The following HCN1 variants were observed in gnomAD, a reference collection of about 807,000 sequenced individuals.
HCN1 encodes the protein potassium/sodium hyperpolarization-activated cyclic nucleotide-gated channel 1.
In HCN1, 13 loss-of-function variants were observed where a neutral mutation model predicts 78.9. The observed-to-expected ratio is 0.16, with a 90% CI of 0.11 to 0.26. HCN1 has a LOEUF of 0.26. HCN1 is among the 10% of genes least tolerant of loss of function. The pLI is 1.00. For synonymous variants in HCN1, 552 were observed against 455.5 expected, an observed-to-expected ratio of 1.21 and a Z score of -2.70; for missense variants, 810 against 1,154.3, an observed-to-expected ratio of 0.70 and a Z score of 4.32.
intron 3 of HCN1, among the ~76,000 whole-genome samples, chr5:45,412,743 T>C (rs1740047134): frequency 7.4e-6 from 1 of 135,356 alleles, no homozygotes. Context: ...AGGGTTCAGG[T>C]TGATCCCCAA....
chr5:45,671,085 T>C (rs1195580798), intron 1 of HCN1, among the ~76,000 whole-genome samples: 3 of 151,686 alleles, frequency 2.0e-5, no homozygotes, highest in African/African-American at 7.3e-5. Context: ...TAAACTCAAA[T>C]AAATTCCTCA....
intron 2 of HCN1, among the ~76,000 whole-genome samples, chr5:45,527,474 G>C (rs1231216126): frequency 4.0e-5 from 6 of 150,682 alleles, no homozygotes; most frequent in South Asian, 2.1e-4. Context: ...AACTAACTTG[G>C]GTTTCAGTTG....
At chr5:45,598,641 T>C (rs577035609) in intron 2 of HCN1, among the ~76,000 whole-genome samples, 58 of 152,214 alleles carry the variant, frequency 3.8e-4, no homozygotes, top group Middle Eastern at 6.8e-3. Flanking sequence ...ACCTACAGAA[T>C]GGAAGAAAAT....
intron 2 of HCN1, among the ~76,000 whole-genome samples, chr5:45,486,133 A>T (rs1470481626): frequency 6.6e-6 from 1 of 152,090 alleles, no homozygotes; most frequent in African/African-American, 2.4e-5. Context: ...GGCTTCACAA[A>T]ATATTTTCTC....
At chr5:45,598,192 A>G (rs1435720853) in intron 2 of HCN1, among the ~76,000 whole-genome samples, 1 of 152,196 alleles carries the variant, frequency 6.6e-6, no homozygotes, top group East Asian at 1.9e-4. Context: ...CAACCAAAAC[A>G]ACATGGTACT....
At chr5:45,341,915 G>C (rs1440228257) in intron 5 of HCN1, among the ~76,000 whole-genome samples, 2 of 152,078 alleles carry the variant, frequency 1.3e-5, no homozygotes, top group African/African-American at 4.8e-5. Flanking sequence ...GAGTTTTGAT[G>C]GGAGATCATT....
chr5:45,541,076 A>T (rs1232483997), intron 2 of HCN1, among the ~76,000 whole-genome samples: 2 of 152,202 alleles, frequency 1.3e-5, no homozygotes, highest in African/African-American at 2.4e-5. Flanking sequence ...AAGAAAAAAA[A>T]TATTAATCTA....
At chr5:45,614,297 G>C (rs906977098) in intron 2 of HCN1, among the ~76,000 whole-genome samples, 1 of 151,920 alleles carries the variant, frequency 6.6e-6, no homozygotes, top group African/African-American at 2.4e-5. Context: ...CTATTTATCC[G>C]TCTGTCTCCT....
intron 3 of HCN1, among the ~76,000 whole-genome samples, chr5:45,454,617 C>A (rs1232637463): frequency 1.3e-5 from 2 of 151,884 alleles, no homozygotes; most frequent in African/African-American, 4.8e-5. Flanking sequence ...ATTACTGAAT[C>A]TCAAGAGAGG....
chr5:45,495,996 G>A (rs1269881567), intron 2 of HCN1, among the ~76,000 whole-genome samples: 6 of 152,028 alleles, frequency 3.9e-5, no homozygotes, highest in South Asian at 2.1e-4. Context: ...TGCTGGATTC[G>A]GTTTGCTAGT....
intron 3 of HCN1, among the ~76,000 whole-genome samples, chr5:45,418,621 C>T (rs1287879057): frequency 6.6e-6 from 1 of 151,876 alleles, no homozygotes; most frequent in East Asian, 1.9e-4. Context: ...GTGCATTTCC[C>T]ATTAGAATCT....
At chr5:45,350,490 C>G (rs1350081348) in intron 5 of HCN1, among the ~76,000 whole-genome samples, 1 of 151,958 alleles carries the variant, frequency 6.6e-6, no homozygotes, top group Non-Finnish European at 1.5e-5. Context: ...TCTCTCACCA[C>G]TCCTATTCAA....
At chr5:45,475,804 A>G (rs898280303) in intron 2 of HCN1, among the ~76,000 whole-genome samples, 5 of 152,106 alleles carry the variant, frequency 3.3e-5, no homozygotes, top group Admixed American at 2.0e-4. Context: ...GAGAGAAAAA[A>G]TGCACTTTTA....
Position 45,492,527 on chromosome 5 carries a change from T to TTG in HCN1, c.850-30521_850-30520insCA, listed in dbSNP as rs1554028386. On this transcript the variant is annotated intron_variant, in intron 2 of 7. Coordinates refer to ENST00000303230, the MANE Select transcript of HCN1 (RefSeq NM_021072.4). ...CCAGCAACAGTTTTTTTGTTTTTTT[T>TTG]TTTTTTTTTTGAGACAAGAGCCTTG... Among the ~76,000 whole-genome samples the TTG allele has an allele frequency of 1.5e-3, 212 of 144,650 alleles. 3 individuals carry two copies. Among genetic ancestry groups the TTG allele is most frequent in the African/African-American group, 5.2e-3 (205 of 39,724 alleles). The allele number at this position is 144,650 out of a possible 152,430, so 94.9% of individuals were successfully genotyped here. A position where few individuals can be genotyped will look rare whatever the true frequency, so the allele number is the denominator to read the frequency against.
chr5:45,556,490 C>T (rs1242334529), intron 2 of HCN1, among the ~76,000 whole-genome samples: 3 of 151,898 alleles, frequency 2.0e-5, no homozygotes, highest in Non-Finnish European at 4.4e-5. Context: ...TACATAAACT[C>T]CTTTATACCC....
intron 3 of HCN1, among the ~76,000 whole-genome samples, chr5:45,425,906 G>A (rs968810453): frequency 4.6e-5 from 7 of 152,128 alleles, no homozygotes; most frequent in African/African-American, 1.7e-4. Flanking sequence ...GCTTGGGAAT[G>A]ACAAAAGATA....
intron 5 of HCN1, among the ~76,000 whole-genome samples, chr5:45,322,624 C>A (rs888583734): frequency 2.6e-5 from 4 of 151,778 alleles, no homozygotes; most frequent in African/African-American, 7.3e-5. Context: ...GGTAATTTTA[C>A]ACAATATTTT....
chr5:45,535,032 C>T (rs1456705234), intron 2 of HCN1, among the ~76,000 whole-genome samples: 3 of 152,162 alleles, frequency 2.0e-5, no homozygotes, highest in Admixed American at 6.5e-5. Context: ...GCATTCTTCT[C>T]AGAGTTACAA....
At chr5:45,494,834 C>T (rs1281636923) in intron 2 of HCN1, among the ~76,000 whole-genome samples, 1 of 152,214 alleles carries the variant, frequency 6.6e-6, no homozygotes, top group African/African-American at 2.4e-5. Flanking sequence ...CCAGTTTTCT[C>T]AGCACCATTT....
Sources: gnomAD v4.1 joint callset for allele counts (sites outside exome capture counted in the v4.1 genomes callset) on GRCh38, gnomAD v4.1.1 for gene constraint, MANE v1.5 for transcripts, NCBI Gene and HGNC (gene_info 2026-07-23, HGNC 2026-07-21) for gene names.